The following CLASP1 variants were observed in gnomAD, a reference collection of about 807,000 sequenced individuals.
CLASP1 encodes the protein cytoplasmic linker associated protein 1.
In CLASP1, 38 loss-of-function variants were observed where a neutral mutation model predicts 192.3. The ratio of observed to expected loss-of-function variants is 0.20; its 90% CI spans 0.15 to 0.26. The LOEUF (loss-of-function observed/expected upper bound fraction) is 0.26. Ranked by LOEUF, CLASP1 falls within the 10% of genes least tolerant of loss-of-function variation. The pLI is 1.00. For synonymous variants in CLASP1, 691 were observed against 712.8 expected, an observed-to-expected ratio of 0.97 and a Z score of 0.49; for missense variants, 1,433 against 1,932.5, an observed-to-expected ratio of 0.74 and a Z score of 4.85.
chr2:121,629,612 G>A (rs1322674355), intron 1 of CLASP1, among the ~76,000 whole-genome samples: 1 of 151,282 alleles, frequency 6.6e-6, no homozygotes, highest in Non-Finnish European at 1.5e-5. Context: ...CCAACATGGT[G>A]AAACCCCATG....
At position 121,427,350 on chromosome 2, in the gene CLASP1, G is replaced by A. The variant is rs573093619; in HGVS notation, c.2044+54C>T. ...TATTGTGCAAGGAACATGGGGTCGG[G>A]GAGAATGCCAACAACAACAACAACA... is the stretch of plus-strand genomic sequence containing the variant. On this transcript the variant is annotated intron_variant, in intron 21 of 39. Transcript: ENST00000263710. The A allele has an allele frequency of 1.1e-5, 18 of 1,596,028 alleles. No homozygotes were observed. The East Asian group carries it at 3.6e-4, about 32-fold the overall frequency.
intron 1 of CLASP1, among the ~76,000 whole-genome samples, chr2:121,638,190 A>C (rs2071266106): frequency 6.6e-6 from 1 of 152,154 alleles, no homozygotes. Flanking sequence ...CATACAAATG[A>C]CCGATAAACA....
intron 30 of CLASP1, among the ~76,000 whole-genome samples, chr2:121,391,733 G>A (rs186388052): frequency 1.8e-4 from 28 of 152,110 alleles, no homozygotes; most frequent in East Asian, 1.4e-3. Context: ...TGAAACTCCC[G>A]TCTCCACTAA....
intron 1 of CLASP1, among the ~76,000 whole-genome samples, chr2:121,640,718 G>T (rs2071896062): frequency 6.6e-6 from 1 of 152,088 alleles, no homozygotes; most frequent in Admixed American, 6.6e-5. Flanking sequence ...AAAGCATGCT[G>T]AAGATTTTAA....
exon 40 of CLASP1, chr2:121,339,168 C>CACACACGT (rs1183004899): frequency 6.5e-6 from 1 of 153,254 alleles, no homozygotes; most frequent in African/African-American, 2.4e-5. Flanking sequence ...CACACACACA[C>CACACACGT]ACGTCAGCAC....
intron 8 of CLASP1, among the ~76,000 whole-genome samples, chr2:121,484,265 A>C (rs577507641): frequency 6.6e-6 from 1 of 151,790 alleles, no homozygotes; most frequent in Non-Finnish European, 1.5e-5. Flanking sequence ...TGTGCCACAC[A>C]CCACATCTCC....
intron 8 of CLASP1, among the ~76,000 whole-genome samples, chr2:121,479,015 A>ACC (rs1559370604): frequency 4.4e-5 from 2 of 45,030 alleles, no homozygotes; most frequent in African/African-American, 1.4e-4. Flanking sequence ...ACACACACAC[A>ACC]CCACACACAC....
intron 2 of CLASP1, among the ~76,000 whole-genome samples, chr2:121,578,526 G>A (rs1488934553): frequency 2.7e-5 from 4 of 149,912 alleles, no homozygotes; most frequent in Non-Finnish European, 1.5e-5. Context: ...TCAGGAGATC[G>A]AGACCATCCT....
At chr2:121,426,012 GTACAT>G (rs2080307454) in intron 21 of CLASP1, among the ~76,000 whole-genome samples, 1 of 151,986 alleles carries the variant, frequency 6.6e-6, no homozygotes, top group Non-Finnish European at 1.5e-5. Flanking sequence ...AGGCATGGTG[GTACAT>G]GCCTCTAGTC....
chr2:121,507,602 C>CA (rs2093981407), intron 7 of CLASP1, among the ~76,000 whole-genome samples: 1 of 151,846 alleles, frequency 6.6e-6, no homozygotes, highest in African/African-American at 2.4e-5. Context: ...GAAAAATTAT[C>CA]AAAAAAAGAT....
chr2:121,527,710 G>T, intron 5 of CLASP1, 89 bp downstream of exon 5: 2 of 1,038,154 alleles, frequency 1.9e-6, no homozygotes, highest in Non-Finnish European at 2.9e-6. Flanking sequence ...ACACTTCTTT[G>T]CAACTTCCTG....
At chr2:121,590,449 T>C (rs184684459) in intron 2 of CLASP1, among the ~76,000 whole-genome samples, 1 of 152,342 alleles carries the variant, frequency 6.6e-6, no homozygotes, top group Admixed American at 6.5e-5. Flanking sequence ...AATCATCTTA[T>C]AAGTGATATA....
At chr2:121,382,801 T>C (rs1434633324) in intron 32 of CLASP1, among the ~76,000 whole-genome samples, 1 of 152,188 alleles carries the variant, frequency 6.6e-6, no homozygotes, top group East Asian at 1.9e-4. Context: ...TCAGAGACCG[T>C]GCTACTCTGA....
At chr2:121,380,359 C>T (rs1215340365) in intron 33 of CLASP1, among the ~76,000 whole-genome samples, 1 of 152,140 alleles carries the variant, frequency 6.6e-6, no homozygotes, top group African/African-American at 2.4e-5. Context: ...AGGACATAAT[C>T]CTTGGGTTAG....
At chr2:121,375,188 T>G (rs2069758194) in intron 34 of CLASP1, among the ~76,000 whole-genome samples, 1 of 152,046 alleles carries the variant, frequency 6.6e-6, no homozygotes, top group African/African-American at 2.4e-5. Flanking sequence ...TGTTTAAAAG[T>G]GTACAGCACT....
At chr2:121,498,208 T>TTTTTTTTC (rs948397168) in intron 8 of CLASP1, among the ~76,000 whole-genome samples, 5 of 146,364 alleles carry the variant, frequency 3.4e-5, no homozygotes, top group African/African-American at 1.3e-4. Context: ...TTTCTTTTTT[T>TTTTTTTTC]TTTTTTTTTT....
chr2:121,622,522 C>T (rs1276123810), intron 1 of CLASP1, among the ~76,000 whole-genome samples: 1 of 150,950 alleles, frequency 6.6e-6, no homozygotes, highest in Non-Finnish European at 1.5e-5. Flanking sequence ...TGAGCTGATA[C>T]TATGCCACTG....
At chr2:121,491,623 G>T (rs1240140832) in intron 8 of CLASP1, among the ~76,000 whole-genome samples, 1 of 152,034 alleles carries the variant, frequency 6.6e-6, no homozygotes, top group Non-Finnish European at 1.5e-5. Context: ...TTGCTTCAAG[G>T]GGCTTGCTAA....
At chr2:121,554,470 A>AG (rs1269815751) in intron 2 of CLASP1, among the ~76,000 whole-genome samples, 2 of 150,716 alleles carry the variant, frequency 1.3e-5, no homozygotes, top group African/African-American at 4.9e-5. Context: ...AAAAAAAAAA[A>AG]AAAAAAAAAA....
Sources: allele counts gnomAD v4.1 joint callset (sites outside exome capture counted in the v4.1 genomes callset), GRCh38; gene constraint gnomAD v4.1.1; transcripts MANE v1.5; gene names NCBI Gene and HGNC (gene_info 2026-07-23, HGNC 2026-07-21).